EYS: variants seen among roughly 807,000 people sequenced by gnomAD.
The protein encoded by EYS is EGF-like photoreceptor maintenance factor.
EYS carries 250 observed loss-of-function variants against 282.1 expected under a neutral mutation model. The observed-to-expected ratio is 0.89, with a 90% CI of 0.80 to 0.98. The LOEUF is 0.98. EYS is among the 50% of genes least tolerant of loss of function. The pLI is 0.00. For synonymous variants in EYS, 1,355 were observed against 1,282.9 expected (o/e 1.06, Z -1.20); for missense variants, 4,016 against 3,709.0 (o/e 1.08, Z -2.15).
intron 33 of EYS, among the ~76,000 whole-genome samples, chr6:64,041,340 T>C (rs537932139): frequency 6.6e-6 from 1 of 152,272 alleles, no homozygotes; most frequent in African/African-American, 2.4e-5. Context: ...ATAAGAATCA[T>C]GGTACATACA....
intron 33 of EYS, among the ~76,000 whole-genome samples, chr6:64,013,880 C>G (rs1327283099): frequency 6.6e-6 from 1 of 152,022 alleles, no homozygotes; most frequent in African/African-American, 2.4e-5. Flanking sequence ...TGGGCTAATT[C>G]ACTCTGATGG....
At chr6:64,317,089 A>G (rs9451299) in intron 29 of EYS, among the ~76,000 whole-genome samples, 3,657 of 152,202 alleles carry the variant, frequency 0.024, 75 homozygotes, top group African/African-American at 0.06. Flanking sequence ...ACTTAAATGT[A>G]AGATCTAAAA....
intron 5 of EYS, among the ~76,000 whole-genome samples, chr6:65,433,287 T>C (rs1767949608): frequency 6.6e-6 from 1 of 152,224 alleles, no homozygotes; most frequent in African/African-American, 2.4e-5. Flanking sequence ...AAGGATCAAT[T>C]TTATGACAAT....
intron 36 of EYS, among the ~76,000 whole-genome samples, chr6:63,839,345 A>G (rs1771890274): frequency 6.6e-6 from 1 of 152,204 alleles, no homozygotes; most frequent in South Asian, 2.1e-4. Context: ...TATTTCACTT[A>G]ACATAATGTT....
intron 14 of EYS, among the ~76,000 whole-genome samples, chr6:64,973,372 T>C (rs1770362870): frequency 6.6e-6 from 1 of 152,052 alleles, no homozygotes. Context: ...CTTCCTTATG[T>C]ATGTGTATAT....
At chr6:65,651,964 C>CT (rs896788847) in intron 1 of EYS, among the ~76,000 whole-genome samples, 12 of 151,036 alleles carry the variant, frequency 7.9e-5, no homozygotes, top group South Asian at 2.1e-4. Context: ...ATAAAAGATT[C>CT]TTTTTTTTTA....
intron 2 of EYS, among the ~76,000 whole-genome samples, chr6:65,580,968 T>C (rs1316860272): frequency 6.6e-6 from 1 of 152,124 alleles, no homozygotes; most frequent in Non-Finnish European, 1.5e-5. Flanking sequence ...TGTGGTTAAA[T>C]ATAATTTGAC....
chr6:65,402,581 T>C lies in EYS; in HGVS notation c.1081A>G (p.Ile361Val), dbSNP rs775313456. 2.0e-5 allele frequency: 32 copies of C among 1,577,376 alleles called. No individual in the cohort carries two copies. Among genetic ancestry groups the C allele is most frequent in the Admixed American group, 5.0e-5 (3 of 59,708 alleles). ...CTCTTACAAAGCAAATCTGTAAATA[T>C]TGGTGAACAGATGCACATAACATCC... ...SNDVMCICSP[I>V]FTDLLCKSIQ... The change falls in exon 7 of 43, where the codon ATA (isoleucine) becomes GTA (valine). Residue 361 changes from isoleucine to valine, a missense_variant. Coordinates refer to ENST00000503581, the MANE Select transcript of EYS (RefSeq NM_001142800.2).
intron 12 of EYS, among the ~76,000 whole-genome samples, chr6:65,160,004 C>T (rs969078871): frequency 1.3e-5 from 2 of 150,986 alleles, no homozygotes; most frequent in African/African-American, 4.8e-5. Flanking sequence ...AATGGGACGT[C>T]TAGAATATTT....
intron 2 of EYS, among the ~76,000 whole-genome samples, chr6:65,562,989 G>A (rs1350485707): frequency 1.3e-5 from 2 of 152,056 alleles, no homozygotes; most frequent in African/African-American, 4.8e-5. Flanking sequence ...TTCTAAGCCA[G>A]TGAGCCATGT....
intron 15 of EYS, among the ~76,000 whole-genome samples, chr6:64,924,891 G>C (rs934166600): frequency 6.6e-6 from 1 of 152,080 alleles, no homozygotes. Context: ...AGTTCAAAAC[G>C]TTCCCACATT....
At chr6:65,380,746 A>T (rs1346747991) in intron 8 of EYS, among the ~76,000 whole-genome samples, 1 of 152,180 alleles carries the variant, frequency 6.6e-6, no homozygotes, top group Non-Finnish European at 1.5e-5. Flanking sequence ...AATACCCAGA[A>T]TCTACAAGGA....
chr6:64,705,491 G>A (rs1770972567), intron 22 of EYS, among the ~76,000 whole-genome samples: 1 of 151,570 alleles, frequency 6.6e-6, no homozygotes, highest in Admixed American at 6.6e-5. Context: ...AAATTCATAT[G>A]GAACCAAAAA....
intron 14 of EYS, among the ~76,000 whole-genome samples, chr6:64,969,855 T>G (rs1007982875): frequency 5.9e-5 from 9 of 152,160 alleles, no homozygotes; most frequent in Non-Finnish European, 8.8e-5. Context: ...CCTAGTAGAA[T>G]TTCACCTTGG....
At chr6:64,747,437 C>T (rs1279431368) in intron 22 of EYS, among the ~76,000 whole-genome samples, 2 of 152,164 alleles carry the variant, frequency 1.3e-5, no homozygotes, top group African/African-American at 2.4e-5. Context: ...TGCAGTGGAG[C>T]AATCTCCACT....
intron 12 of EYS, among the ~76,000 whole-genome samples, chr6:65,210,359 G>A (rs1033555182): frequency 6.6e-6 from 1 of 151,956 alleles, no homozygotes; most frequent in African/African-American, 2.4e-5. Flanking sequence ...TCCTTAGGGG[G>A]TTTAAATAAT....
intron 19 of EYS, among the ~76,000 whole-genome samples, chr6:64,827,129 C>A (rs1444653171): frequency 6.6e-6 from 1 of 151,812 alleles, no homozygotes; most frequent in Non-Finnish European, 1.5e-5. Context: ...GATGGTAAAT[C>A]ATAGCTAAGG....
At chr6:63,934,292 C>T (rs1764987129) in intron 35 of EYS, among the ~76,000 whole-genome samples, 1 of 152,178 alleles carries the variant, frequency 6.6e-6, no homozygotes, top group Non-Finnish European at 1.5e-5. Context: ...ACACTTTACA[C>T]TGTTGGTGGG....
chr6:63,788,951 T>C, intron 38 of EYS, 107 bp downstream of exon 38: 1 of 1,134,810 alleles, frequency 8.8e-7, no homozygotes, highest in Non-Finnish European at 1.2e-6. Context: ...GTCTGTGAAC[T>C]TCGTGGATGT....
Sources: gnomAD v4.1 joint callset for allele counts (sites outside exome capture counted in the v4.1 genomes callset) on GRCh38, gnomAD v4.1.1 for gene constraint, MANE v1.5 for transcripts, NCBI Gene and HGNC (gene_info 2026-07-23, HGNC 2026-07-21) for gene names.